The following PRADC1 variants were observed in gnomAD, a reference collection of about 807,000 sequenced individuals.
PRADC1 encodes the protein protease-associated domain-containing protein 1.
Under a neutral mutation model 22.9 loss-of-function variants are expected in PRADC1, and 23 were observed. The observed-to-expected ratio is 1.00, with a 90% CI of 0.72 to 1.42. The LOEUF is 1.42. PRADC1 is among the 40% of genes most tolerant of loss of function. The pLI is 0.00. For synonymous variants in PRADC1, 71 were observed against 100.3 expected (o/e 0.71, Z 1.75); for missense variants, 207 against 258.3 (o/e 0.80, Z 1.36).
At chr2:73,231,338 C>T (rs1396733779) in intron 1 of PRADC1, among the ~76,000 whole-genome samples, 4 of 152,124 alleles carry the variant, frequency 2.6e-5, no homozygotes, top group Non-Finnish European at 5.9e-5. Flanking sequence ...CCAGGATGGT[C>T]TCTATCTCCT....
intron 2 of PRADC1, chr2:73,229,807 G>A (rs1219573227): frequency 1.7e-6 from 1 of 588,104 alleles, no homozygotes; most frequent in Non-Finnish European, 3.0e-6. Context: ...TAGATCCAGA[G>A]AGAGGAAGTG....
At position 73,228,739 on chromosome 2, in the gene PRADC1, AC is replaced by A; in HGVS notation, c.446+55del. On this transcript the variant is annotated intron_variant, in intron 4 of 4. Coordinates refer to ENST00000258083, the MANE Select transcript of PRADC1 (RefSeq NM_032319.3). This position sits in a 1 kb window ranked among gnomAD's most constrained non-coding sequence, Gnocchi z 4.0. ...AAGAAGGGACTGGTGATTACCCCTG[AC>A]CCAGTCATGGCGCCCAGCCTGGTGC... 2 of 1,589,976 alleles carry A rather than the reference AC, an allele frequency of 1.3e-6. No individual in the cohort carries two copies. The highest frequency in any genetic ancestry group is 2.3e-5 in the South Asian group (2 of 88,722).
Position 73,229,568 on chromosome 2 carries a change from G to A in PRADC1, c.171C>T (p.His57=), listed in dbSNP as rs969124711. The A allele has an allele frequency of 6.2e-7, 1 of 1,612,452 alleles. No individual in the cohort carries two copies. ...CAAGGTGAATCTGCTCATACCTTGT[G>A]TGCTGAAAAACATTTAACATTTGGA... ...TPAKDFGGIF[H]TRYEQIHLVP... is the part of the protein sequence containing the mutation. Residue 57 remains histidine (H), a splice_region_variant and synonymous_variant, in exon 3 of 5, where the codon CAC becomes CAT. Transcript: ENST00000258083.
rs138834409 is a variant in PRADC1 at position 73,228,284 on chromosome 2, G to A, written c.*170C>T. On this transcript the variant is annotated 3_prime_UTR_variant, in exon 5 of 5. Transcript: ENST00000258083. The surrounding 1 kb of genome is among the most constrained non-coding windows in gnomAD (Gnocchi z 4.0). ...GACACCCTTGGGGGCCCTGGGGAAGGGAAGGCCAGTGGTGTGGCTTCCCTT... is the reference window on the plus strand; with the variant it reads ...GACACCCTTGGGGGCCCTGGGGAAGAGAAGGCCAGTGGTGTGGCTTCCCTT... The A allele has an allele frequency of 1.0e-3, 811 of 774,268 alleles. 5 individuals are homozygous for A. In the African/African-American group the frequency reaches 0.013, roughly 12 times the overall value. 48.0% of individuals were successfully genotyped at this position (774,268 alleles called of 1,614,324 possible).
In PRADC1 at chr2:73,232,825, G is replaced by C. The variant is rs1333542649; in HGVS notation, c.67+269C>G. 2.0e-5 allele frequency among the ~76,000 whole-genome samples: 3 copies of C among 152,266 alleles called. No homozygotes were observed. The East Asian group carries it at 5.8e-4, about 30-fold the overall frequency. On this transcript the variant is annotated intron_variant, in intron 1 of 4. Transcript: ENST00000258083. Reference sequence around the variant, plus strand: ...GCTGTCCCTTCTGGTCGCACCCTAAGTCACCTGGGTCGGCGCTAGTGGGCG... The same window carrying C: ...GCTGTCCCTTCTGGTCGCACCCTAACTCACCTGGGTCGGCGCTAGTGGGCG...
intron 1 of PRADC1, among the ~76,000 whole-genome samples, chr2:73,232,038 T>C (rs1686652284): frequency 6.6e-6 from 1 of 152,052 alleles, no homozygotes; most frequent in African/African-American, 2.4e-5. Flanking sequence ...TGTTGAAAGA[T>C]AAAAACTGCT....
Position 73,228,022 on chromosome 2 carries a change from A to C in PRADC1, c.*432T>G. On this transcript the variant is annotated 3_prime_UTR_variant, in exon 5 of 5. Coordinates refer to ENST00000258083, the MANE Select transcript of PRADC1 (RefSeq NM_032319.3). This position sits in a 1 kb window ranked among gnomAD's most constrained non-coding sequence, Gnocchi z 4.0. ...AGGACACAGTTGCAACCCTGATGAG[A>C]AGCTTTATTGCTAAAAAGTCAGTGA... 5.1e-6 allele frequency: 1 copy of C among 197,742 alleles called. No homozygotes were observed. Among genetic ancestry groups the C allele is most frequent in the East Asian group, 1.1e-4 (1 of 8,698 alleles). 12.2% of individuals were successfully genotyped at this position (197,742 alleles called of 1,614,324 possible).
chr2:73,228,222 C>G lies in PRADC1; in HGVS notation c.*232G>C. On this transcript the variant is annotated 3_prime_UTR_variant, in exon 5 of 5. Transcript: ENST00000258083. This position sits in a 1 kb window ranked among gnomAD's most constrained non-coding sequence, Gnocchi z 4.0. ...TTTTGTTTCGGGTTCTAGCCAGAAGCCCTGGGGCCTGTCTCTTGCCTCTTC... is the reference window on the plus strand; with the variant it reads ...TTTTGTTTCGGGTTCTAGCCAGAAGGCCTGGGGCCTGTCTCTTGCCTCTTC... The G allele has an allele frequency of 1.9e-6, 1 of 540,314 alleles. No individual in the cohort carries two copies. The highest frequency in any genetic ancestry group is 3.3e-6 in the Non-Finnish European group (1 of 304,576). 33.5% of individuals were successfully genotyped at this position (540,314 alleles called of 1,614,324 possible). A position where few individuals can be genotyped will look rare whatever the true frequency, so the allele number is the denominator to read the frequency against.
rs1299257872 is a variant in PRADC1 at position 73,229,578 on chromosome 2, A to G, written c.169-8T>C. 6.2e-7 allele frequency: 1 copy of G among 1,608,472 alleles called. No homozygotes were observed. Among genetic ancestry groups the G allele is most frequent in the Admixed American group, 1.7e-5 (1 of 60,010 alleles). ...CTGCTCATACCTTGTGTGCTGAAAA[A>G]CATTTAACATTTGGACAGGTGAGAG... On this transcript the variant is annotated splice_polypyrimidine_tract_variant and splice_region_variant and intron_variant, in intron 2 of 4. Transcript: ENST00000258083.
In PRADC1 at chr2:73,228,417, C is replaced by T; in HGVS notation, c.*37G>A. On this transcript the variant is annotated 3_prime_UTR_variant, in exon 5 of 5. Transcript: ENST00000258083. This position sits in a 1 kb window ranked among gnomAD's most constrained non-coding sequence, Gnocchi z 4.0. Reference sequence around the variant, plus strand: ...ATTCCTGGGTTTCCCCTTCCCAGCTCAGAGTCACTTATGGCTGGAATGTGG... The same window carrying T: ...ATTCCTGGGTTTCCCCTTCCCAGCTTAGAGTCACTTATGGCTGGAATGTGG... 1 of 1,612,422 alleles carries T rather than the reference C, an allele frequency of 6.2e-7. No homozygotes were observed. The highest frequency in any genetic ancestry group is 2.2e-5 in the East Asian group (1 of 44,868).
chr2:73,228,171 C>A lies in PRADC1; in HGVS notation c.*283G>T. On this transcript the variant is annotated 3_prime_UTR_variant, in exon 5 of 5. Transcript: ENST00000258083. The surrounding 1 kb of genome is among the most constrained non-coding windows in gnomAD (Gnocchi z 4.0). ...GGTGAGTGTGACAGGTCACAGATGG[C>A]TCTCAGGCCACCTGCCTTCAGCTCC... is the stretch of plus-strand genomic sequence containing the variant. The A allele has an allele frequency of 2.3e-6, 1 of 430,808 alleles. No individual in the cohort carries two copies. The highest frequency in any genetic ancestry group is 4.3e-6 in the Non-Finnish European group (1 of 232,076). 26.7% of individuals were successfully genotyped at this position (430,808 alleles called of 1,614,324 possible).
At position 73,228,602 on chromosome 2, in the gene PRADC1, C is replaced by T. The variant is rs201542294; in HGVS notation, c.447-28G>A. ...GGGAGGGCATGAAGAGAGGTGGTGA[C>T]GGTCACTTTCTTGGTACCCCATCAT... is the stretch of plus-strand genomic sequence containing the variant. On this transcript the variant is annotated intron_variant, in intron 4 of 4. Coordinates refer to ENST00000258083, the MANE Select transcript of PRADC1 (RefSeq NM_032319.3). The surrounding 1 kb of genome is among the most constrained non-coding windows in gnomAD (Gnocchi z 4.0). 1,766 of 1,613,768 alleles carry T rather than the reference C, an allele frequency of 1.1e-3. 17 individuals are homozygous for T. In the South Asian group the frequency reaches 0.014, roughly 13 times the overall value.
chr2:73,228,648 C>A lies in PRADC1; in HGVS notation c.447-74G>T, dbSNP rs1686566601. 6.2e-7 allele frequency: 1 copy of A among 1,605,912 alleles called. No homozygotes were observed. Among genetic ancestry groups the A allele is most frequent in the African/African-American group, 1.3e-5 (1 of 74,730 alleles). ...ATCATGCCCCACTGTCCCCATCAAT[C>A]TGGGAGTTCCAAAGCCCGAGATCTT... is the stretch of plus-strand genomic sequence containing the variant. On this transcript the variant is annotated intron_variant, in intron 4 of 4. Coordinates refer to ENST00000258083, the MANE Select transcript of PRADC1 (RefSeq NM_032319.3). The surrounding 1 kb of genome is among the most constrained non-coding windows in gnomAD (Gnocchi z 4.0).
chr2:73,229,864 C>G (rs1157264458), intron 2 of PRADC1: 1 of 585,688 alleles, frequency 1.7e-6, no homozygotes, highest in African/African-American at 1.9e-5. Context: ...GCAGAGGAAG[C>G]TGGTGCTCTT....
At chr2:73,229,353 A>G (rs1484275244) in intron 3 of PRADC1, 108 bp downstream of exon 3, 1 of 835,756 alleles carries the variant, frequency 1.2e-6, no homozygotes, top group Non-Finnish European at 2.0e-6. Flanking sequence ...AAAGACGCTT[A>G]AAAAGATGAA....
intron 1 of PRADC1, 108 bp downstream of exon 1, chr2:73,232,986 T>G: frequency 7.5e-7 from 1 of 1,325,312 alleles, no homozygotes; most frequent in South Asian, 1.3e-5. Flanking sequence ...CCTGTCCTGC[T>G]CTGAACTCGC....
chr2:73,233,034 C>G lies in PRADC1; in HGVS notation c.67+60G>C, dbSNP rs556809504. The stretch of plus-strand genomic sequence containing the variant: ...GTGACCCTTGGCCCCCAACCCGAGA[C>G]GCGCGCAAGCTGGACGGCCAGCCCC... On this transcript the variant is annotated intron_variant, in intron 1 of 4. Coordinates refer to ENST00000258083, the MANE Select transcript of PRADC1 (RefSeq NM_032319.3). The G allele has an allele frequency of 1.8e-3, 2,703 of 1,515,890 alleles. 5 individuals carry two copies. Among genetic ancestry groups the G allele is most frequent in the Non-Finnish European group, 2.3e-3 (2,585 of 1,137,398 alleles). The allele number at this position is 1,515,890 out of a possible 1,614,324, so 93.9% of individuals were successfully genotyped here.
chr2:73,233,024 C>T, intron 1 of PRADC1, 70 bp downstream of exon 1: 1 of 1,508,156 alleles, frequency 6.6e-7, no homozygotes, highest in Non-Finnish European at 8.8e-7. Context: ...CCTTGGCCCC[C>T]AACCCGAGAC....
At position 73,228,604 on chromosome 2, in the gene PRADC1, G is replaced by A; in HGVS notation, c.447-30C>T. 6.2e-7 allele frequency: 1 copy of A among 1,613,778 alleles called. No homozygotes were observed. The highest frequency in any genetic ancestry group is 8.5e-7 in the Non-Finnish European group (1 of 1,179,962). ...GAGGGCATGAAGAGAGGTGGTGACG[G>A]TCACTTTCTTGGTACCCCATCATGC... On this transcript the variant is annotated intron_variant, in intron 4 of 4. Transcript: ENST00000258083. This position sits in a 1 kb window ranked among gnomAD's most constrained non-coding sequence, Gnocchi z 4.0.
Sources: allele counts gnomAD v4.1 joint callset (sites outside exome capture counted in the v4.1 genomes callset), GRCh38; gene constraint gnomAD v4.1.1; non-coding constraint Gnocchi (gnomAD v3.1); transcripts MANE v1.5; gene names NCBI Gene and HGNC (gene_info 2026-07-23, HGNC 2026-07-21).